Variants in MTMR3 observed in about 807,000 individuals in gnomAD.
MTMR3 encodes myotubularin related protein 3.
MTMR3 carries 32 observed loss-of-function variants against 132.4 expected under a neutral mutation model. The observed-to-expected ratio is 0.24, with a 90% CI of 0.18 to 0.32. The LOEUF (loss-of-function observed/expected upper bound fraction) is 0.32. MTMR3 is among the 10% of genes least tolerant of loss of function. The pLI is 1.00. For missense variants in MTMR3, 1,216 were observed against 1,489.6 expected (o/e 0.82, Z 3.02); for synonymous variants, 556 against 550.3 (o/e 1.01, Z -0.14).
Position 30,022,033 on chromosome 22 carries a change from C to T in MTMR3, c.3230C>T (p.Ser1077Leu), listed in dbSNP as rs749161812. ...GCTGTGTTTGTTTGCCAACAGACTT[C>T]AATCCCCGACTCGGAAAGCAATCTG... The part of the protein sequence containing the change: ...FNGDFGDEVT[S>L]IPDSESNLDQ... Residue 1077 changes from serine to leucine, a missense_variant, in exon 18 of 20, where the codon TCA (serine) becomes TTA (leucine). This residue lies in a region of MTMR3 where 852 missense variants were observed against 852.0 expected (regional missense o/e 1.00). Transcript: ENST00000401950. 1.2e-6 allele frequency: 2 copies of T among 1,613,720 alleles called. No individual in the cohort carries two copies. Among genetic ancestry groups the T allele is most frequent in the Non-Finnish European group, 1.7e-6 (2 of 1,179,596 alleles).
intron 16 of MTMR3, 132 bp from the exon 17 acceptor site, chr22:30,019,348 A>T: frequency 2.4e-6 from 2 of 837,878 alleles, no homozygotes. Flanking sequence ...GCCTCGCTCC[A>T]GAGATGCTAC....
chr22:29,933,281 CT>C (rs71328816), intron 1 of MTMR3, among the ~76,000 whole-genome samples: 28 of 148,898 alleles, frequency 1.9e-4, no homozygotes, highest in Non-Finnish European at 3.4e-4. Context: ...AGGACATTAT[CT>C]TTTTTTTTTC....
At chr22:29,974,420 G>A (rs2145877645) in intron 3 of MTMR3, among the ~76,000 whole-genome samples, 1 of 152,304 alleles carries the variant, frequency 6.6e-6, no homozygotes. Context: ...TTGTGTACAA[G>A]GGGAGAAAAG....
chr22:30,010,163 G>C (rs546711754), intron 12 of MTMR3: 9 of 152,288 alleles, frequency 5.9e-5, no homozygotes, highest in South Asian at 2.1e-4. Flanking sequence ...TCCCTAGGGT[G>C]GTATGTAGAA....
At chr22:30,016,410 C>G in intron 14 of MTMR3, 118 bp from the exon 15 acceptor site, 1 of 1,201,448 alleles carries the variant, frequency 8.3e-7, no homozygotes. Flanking sequence ...GGTTCCCCGT[C>G]CTGACAGAGT....
intron 1 of MTMR3, among the ~76,000 whole-genome samples, chr22:29,901,540 T>C (rs768523289): frequency 2.6e-5 from 4 of 152,198 alleles, no homozygotes; most frequent in Admixed American, 6.5e-5. Flanking sequence ...GCAAGCACCA[T>C]GATCAAGATA....
In MTMR3 at chr22:30,001,643, A is replaced by C. The variant is rs2067177882; in HGVS notation, c.558-1237A>C. ...GGTGGTGGGAAACAACAGGATGTTG[A>C]AAGTTCTTCCTACTACAAAGGTAGA... On this transcript the variant is annotated intron_variant, in intron 8 of 19. Transcript: ENST00000401950. 1.3e-5 allele frequency: 2 copies of C among 152,350 alleles called. 1 individual carries two copies. The highest frequency in any genetic ancestry group is 3.9e-4 in the East Asian group (2 of 5,180). The allele number at this position is 152,350 out of a possible 1,614,324, so 9.4% of individuals were successfully genotyped here. A position where few individuals can be genotyped will look rare whatever the true frequency, so the allele number is the denominator to read the frequency against.
chr22:29,948,266 C>G (rs1209774353), intron 1 of MTMR3, among the ~76,000 whole-genome samples: 1 of 152,194 alleles, frequency 6.6e-6, no homozygotes, highest in Non-Finnish European at 1.5e-5. Flanking sequence ...CATTTTCATT[C>G]AGCTTTCTGG....
intron 14 of MTMR3, chr22:30,014,420 G>T (rs1015682027): frequency 2.0e-5 from 3 of 150,808 alleles, no homozygotes; most frequent in African/African-American, 7.3e-5. Flanking sequence ...TTGACTTCTA[G>T]TACTTCCTTG....
chr22:30,008,817 G>A (rs1300923208), intron 11 of MTMR3: 18 of 438,702 alleles, frequency 4.1e-5, no homozygotes, highest in Non-Finnish European at 7.2e-5. Flanking sequence ...CCCTTTTCAC[G>A]CTTTTTGAAA....
At chr22:29,986,480 C>G in intron 5 of MTMR3, 1 of 677,186 alleles carries the variant, frequency 1.5e-6, no homozygotes, top group Non-Finnish European at 1.8e-6. Context: ...AGTTTTATCT[C>G]TGATAAATTG....
At chr22:29,957,546 G>T (rs561010381) in intron 2 of MTMR3, among the ~76,000 whole-genome samples, 1 of 151,886 alleles carries the variant, frequency 6.6e-6, no homozygotes, top group South Asian at 2.1e-4. Context: ...TGAACCCCTG[G>T]GCTACAGCAA....
intron 1 of MTMR3, among the ~76,000 whole-genome samples, chr22:29,923,041 A>ATTTT (rs36099310): frequency 3.1e-5 from 4 of 129,960 alleles, no homozygotes; most frequent in African/African-American, 2.9e-5. Context: ...CATCCAGCCA[A>ATTTT]TTTTTTTTTT....
intron 14 of MTMR3, chr22:30,015,294 CA>C (rs1201672750): frequency 6.6e-6 from 1 of 151,206 alleles, no homozygotes. Flanking sequence ...TGGGCTCAAA[CA>C]ATATCCTCCC....
intron 1 of MTMR3, among the ~76,000 whole-genome samples, chr22:29,952,748 C>T (rs1290426293): frequency 6.6e-6 from 1 of 152,188 alleles, no homozygotes; most frequent in African/African-American, 2.4e-5. Context: ...TTATAGTTGA[C>T]TTCAACAACA....
At chr22:30,024,640 A>G (rs2067861127) in intron 19 of MTMR3, 1 of 152,228 alleles carries the variant, frequency 6.6e-6, no homozygotes, top group Non-Finnish European at 1.5e-5. Context: ...GAAAAGTTAG[A>G]AGGCTAAGAA....
intron 9 of MTMR3, chr22:30,006,900 G>A (rs750777653): frequency 2.6e-5 from 14 of 539,614 alleles, no homozygotes; most frequent in African/African-American, 2.5e-4. Flanking sequence ...AGGGATCTCC[G>A]TGATGTTATG....
chr22:29,904,191 G>A (rs755134642), intron 1 of MTMR3, among the ~76,000 whole-genome samples: 13 of 152,190 alleles, frequency 8.5e-5, no homozygotes, highest in Non-Finnish European at 1.3e-4. Flanking sequence ...GCAACTGTGG[G>A]ATTAGTAATA....
At chr22:30,002,751 C>T in intron 8 of MTMR3, 129 bp from the exon 9 acceptor site, 1 of 669,250 alleles carries the variant, frequency 1.5e-6, no homozygotes, top group Admixed American at 2.8e-5. Flanking sequence ...GCCTCATTGC[C>T]TTTAACTGGT....
Sources: gnomAD v4.1 joint callset for allele counts (sites outside exome capture counted in the v4.1 genomes callset) on GRCh38, gnomAD v4.1.1 for gene constraint, gnomAD v4.1.1 regional missense constraint, MANE v1.5 for transcripts, NCBI Gene and HGNC (gene_info 2026-07-23, HGNC 2026-07-21) for gene names.